DLG2: variants seen among roughly 807,000 people sequenced by gnomAD.
The protein encoded by DLG2 is discs large MAGUK scaffold protein 2.
In DLG2, 45 loss-of-function variants were observed where a neutral mutation model predicts 132.5. The ratio of observed to expected loss-of-function variants is 0.34; its 90% CI spans 0.27 to 0.44. DLG2 has a LOEUF of 0.44. DLG2 is among the 20% of genes least tolerant of loss of function. The probability of loss-of-function intolerance (pLI) is 1.00; values close to 1 mark genes in which losing one functional copy is unlikely to be tolerated. For synonymous variants in DLG2, 424 were observed against 419.6 expected (o/e 1.01, Z -0.13); for missense variants, 1,045 against 1,196.9 (o/e 0.87, Z 1.87).
At chr11:83,945,077 C>G (rs1050789596) in intron 14 of DLG2, among the ~76,000 whole-genome samples, 1 of 152,234 alleles carries the variant, frequency 6.6e-6, no homozygotes, top group East Asian at 1.9e-4. Context: ...CACCTTTAAT[C>G]TGTACAACAA....
chr11:83,948,784 A>T (rs1182892156), intron 14 of DLG2, among the ~76,000 whole-genome samples: 1 of 152,170 alleles, frequency 6.6e-6, no homozygotes, highest in Non-Finnish European at 1.5e-5. Context: ...CTCTGTGCCT[A>T]GATTTCATCT....
chr11:84,776,030 G>A (rs1037065051), intron 6 of DLG2, among the ~76,000 whole-genome samples: 4 of 152,098 alleles, frequency 2.6e-5, no homozygotes, highest in African/African-American at 9.7e-5. Flanking sequence ...TCTGATAACT[G>A]ATATTTCTTA....
intron 11 of DLG2, among the ~76,000 whole-genome samples, chr11:84,027,393 G>A (rs1233891807): frequency 6.6e-6 from 1 of 152,000 alleles, no homozygotes; most frequent in African/African-American, 2.4e-5. Flanking sequence ...TTAATTGATA[G>A]TGAAGACAAA....
chr11:83,991,043 C>T (rs1254549544), intron 11 of DLG2, among the ~76,000 whole-genome samples: 1 of 152,142 alleles, frequency 6.6e-6, no homozygotes, highest in African/African-American at 2.4e-5. Flanking sequence ...GACTACTTGT[C>T]ATCTCTTCCT....
chr11:83,487,075 T>A (rs1450844326), intron 21 of DLG2, among the ~76,000 whole-genome samples: 1 of 152,096 alleles, frequency 6.6e-6, no homozygotes, highest in Non-Finnish European at 1.5e-5. Context: ...TAGAACACAT[T>A]GTTCTGAAGC....
At chr11:85,137,251 G>A (rs1411229537) in intron 5 of DLG2, among the ~76,000 whole-genome samples, 1 of 152,074 alleles carries the variant, frequency 6.6e-6, no homozygotes, top group Non-Finnish European at 1.5e-5. Flanking sequence ...AATAATAATA[G>A]TAATTTATCA....
intron 18 of DLG2, among the ~76,000 whole-genome samples, chr11:83,768,954 C>T (rs1363526684): frequency 6.6e-6 from 1 of 152,102 alleles, no homozygotes. Context: ...GTGTAACTTC[C>T]CTGGGATTTT....
chr11:84,509,278 C>G (rs1474110475), intron 7 of DLG2, among the ~76,000 whole-genome samples: 1 of 152,124 alleles, frequency 6.6e-6, no homozygotes, highest in Non-Finnish European at 1.5e-5. Flanking sequence ...TAAGAAGCAA[C>G]AAATAAGATG....
At chr11:84,735,548 C>T (rs1360720006) in intron 6 of DLG2, among the ~76,000 whole-genome samples, 1 of 152,068 alleles carries the variant, frequency 6.6e-6, no homozygotes, top group Non-Finnish European at 1.5e-5. Context: ...ATTAGTCTTA[C>T]TAGCGGTCTT....
intron 6 of DLG2, among the ~76,000 whole-genome samples, chr11:84,886,516 T>C (rs1054541406): frequency 6.6e-6 from 1 of 152,140 alleles, no homozygotes; most frequent in Non-Finnish European, 1.5e-5. Context: ...CAAACATCTC[T>C]TGGCACCACT....
At chr11:83,783,217 A>G (rs2094908429) in intron 18 of DLG2, among the ~76,000 whole-genome samples, 1 of 152,192 alleles carries the variant, frequency 6.6e-6, no homozygotes, top group Admixed American at 6.5e-5. Context: ...ACTACCATGA[A>G]CCAGACACTG....
At chr11:83,982,480 T>TAA (rs58418988) in intron 11 of DLG2, among the ~76,000 whole-genome samples, 780 of 68,572 alleles carry the variant, frequency 0.011, 11 homozygotes, top group African/African-American at 0.035. Flanking sequence ...GTTTAACGTG[T>TAA]AAAAAAAAAA....
chr11:84,072,393 C>T (rs2096770867), intron 10 of DLG2, among the ~76,000 whole-genome samples: 1 of 152,206 alleles, frequency 6.6e-6, no homozygotes, highest in Non-Finnish European at 1.5e-5. Flanking sequence ...CCTGAAGTAG[C>T]TTCACAGTTT....
intron 14 of DLG2, among the ~76,000 whole-genome samples, chr11:83,940,280 T>C (rs2082348792): frequency 6.6e-6 from 1 of 152,202 alleles, no homozygotes; most frequent in African/African-American, 2.4e-5. Context: ...GTACACCTGA[T>C]TGTAGATTTT....
chr11:84,698,984 T>C (rs2058913630), intron 6 of DLG2, among the ~76,000 whole-genome samples: 1 of 151,600 alleles, frequency 6.6e-6, no homozygotes, highest in African/African-American at 2.4e-5. Flanking sequence ...CATCTTCTGG[T>C]GAATAAAATC....
chr11:84,764,476 G>T (rs572530471), intron 6 of DLG2, among the ~76,000 whole-genome samples: 1 of 152,046 alleles, frequency 6.6e-6, no homozygotes, highest in East Asian at 1.9e-4. Context: ...GCCAAGCACT[G>T]TTCTAAGCAC....
intron 3 of DLG2, among the ~76,000 whole-genome samples, chr11:85,418,822 T>C (rs1479611851): frequency 2.6e-5 from 4 of 152,174 alleles, no homozygotes; most frequent in Non-Finnish European, 5.9e-5. Flanking sequence ...AGCCTGTGTG[T>C]GTCTTTGCAC....
chr11:84,433,469 G>A (rs2098990882), intron 7 of DLG2, among the ~76,000 whole-genome samples: 1 of 151,988 alleles, frequency 6.6e-6, no homozygotes, highest in Admixed American at 6.6e-5. Context: ...ACTTACACAG[G>A]GTCAAAACAA....
intron 6 of DLG2, among the ~76,000 whole-genome samples, chr11:84,837,108 A>G (rs937343515): frequency 3.3e-5 from 5 of 151,740 alleles, no homozygotes; most frequent in African/African-American, 1.2e-4. Flanking sequence ...AGAACATATA[A>G]CATATACTTC....
Sources: gnomAD v4.1 joint callset for allele counts (sites outside exome capture counted in the v4.1 genomes callset) on GRCh38, gnomAD v4.1.1 for gene constraint, MANE v1.5 for transcripts, NCBI Gene and HGNC (gene_info 2026-07-23, HGNC 2026-07-21) for gene names.